The following SGCZ variants were observed in gnomAD, a reference collection of about 807,000 sequenced individuals.
SGCZ encodes the protein sarcoglycan zeta, also known as zeta-sarcoglycan.
SGCZ carries 40 observed loss-of-function variants against 41.3 expected under a neutral mutation model. The ratio of observed to expected loss-of-function variants is 0.97; its 90% CI spans 0.75 to 1.26. The LOEUF (loss-of-function observed/expected upper bound fraction) is 1.26, where lower values mean the gene tolerates loss of function less well. SGCZ is among the 50% of genes most tolerant of loss of function. The probability of loss-of-function intolerance (pLI) is 0.00; values close to 1 mark genes in which losing one functional copy is unlikely to be tolerated. For missense variants in SGCZ, 552 were observed against 369.8 expected (o/e 1.49, Z -4.04); for synonymous variants, 206 against 137.5 (o/e 1.50, Z -3.49).
intron 1 of SGCZ, among the ~76,000 whole-genome samples, chr8:15,053,091 C>T (rs1266463238): frequency 6.6e-6 from 1 of 152,088 alleles, no homozygotes; most frequent in Non-Finnish European, 1.5e-5. Flanking sequence ...TGAGCTCCTA[C>T]CTTGACCTTG....
At chr8:14,858,892 C>T (rs1306375342) in intron 1 of SGCZ, among the ~76,000 whole-genome samples, 1 of 152,006 alleles carries the variant, frequency 6.6e-6, no homozygotes, top group African/African-American at 2.4e-5. Flanking sequence ...TGCAAATTTA[C>T]CAAAATTCTA....
chr8:14,421,037 T>C (rs999542661), intron 2 of SGCZ, among the ~76,000 whole-genome samples: 12 of 152,114 alleles, frequency 7.9e-5, no homozygotes, highest in Non-Finnish European at 1.6e-4. Context: ...GCCCCAAAGA[T>C]AATGAGATGA....
At chr8:14,666,644 C>G (rs1172139938) in intron 1 of SGCZ, among the ~76,000 whole-genome samples, 1 of 146,638 alleles carries the variant, frequency 6.8e-6, no homozygotes. Flanking sequence ...TCTCAGTACC[C>G]TAATAGAGAG....
chr8:15,186,164 AG>A (rs1800333571), intron 1 of SGCZ, among the ~76,000 whole-genome samples: 1 of 149,586 alleles, frequency 6.7e-6, no homozygotes, highest in Non-Finnish European at 1.5e-5. Flanking sequence ...CGGGAGGCTG[AG>A]CCAGGAGAAT....
At chr8:14,597,337 G>A (rs541882857) in intron 1 of SGCZ, among the ~76,000 whole-genome samples, 2 of 152,212 alleles carry the variant, frequency 1.3e-5, no homozygotes, top group Admixed American at 1.3e-4. Context: ...TAGAATGGGA[G>A]AGAAAAAGTA....
intron 1 of SGCZ, among the ~76,000 whole-genome samples, chr8:14,717,996 G>GATATATAT (rs140343071): frequency 0.03 from 4,339 of 144,930 alleles, 111 homozygotes; most frequent in Admixed American, 0.065. Context: ...TCTAAAATAA[G>GATATATAT]ATATATATAT....
At chr8:14,809,068 TG>T (rs1801654630) in intron 1 of SGCZ, among the ~76,000 whole-genome samples, 2 of 137,350 alleles carry the variant, frequency 1.5e-5, no homozygotes, top group African/African-American at 5.8e-5. Flanking sequence ...CATCACACTC[TG>T]GGGACTGTTG....
chr8:14,373,220 C>A (rs985923701), intron 2 of SGCZ, among the ~76,000 whole-genome samples: 9 of 152,010 alleles, frequency 5.9e-5, no homozygotes, highest in Non-Finnish European at 1.3e-4. Flanking sequence ...AGATTTTGAG[C>A]CTTAGCAACT....
intron 1 of SGCZ, among the ~76,000 whole-genome samples, chr8:14,641,529 A>T (rs1158582890): frequency 2.0e-5 from 3 of 151,636 alleles, no homozygotes; most frequent in Non-Finnish European, 4.4e-5. Flanking sequence ...TAGAGTTTCC[A>T]AGCCAGGAGT....
At chr8:14,960,702 C>T (rs915072717) in intron 1 of SGCZ, among the ~76,000 whole-genome samples, 1 of 152,018 alleles carries the variant, frequency 6.6e-6, no homozygotes, top group African/African-American at 2.4e-5. Flanking sequence ...GCCATAAATA[C>T]TGTACCACTT....
chr8:14,183,829 A>G (rs1804813004), intron 4 of SGCZ, among the ~76,000 whole-genome samples: 1 of 152,162 alleles, frequency 6.6e-6, no homozygotes, highest in African/African-American at 2.4e-5. Context: ...GAGGAATAAA[A>G]CTAGAATGGA....
intron 7 of SGCZ, among the ~76,000 whole-genome samples, chr8:14,099,718 T>C (rs1210393195): frequency 6.6e-6 from 1 of 151,652 alleles, no homozygotes; most frequent in South Asian, 2.1e-4. Flanking sequence ...AGAGCGAGAC[T>C]CTGTCTCAAA....
At chr8:14,519,562 T>A (rs9325711) in intron 2 of SGCZ, among the ~76,000 whole-genome samples, 22,959 of 152,088 alleles carry the variant, frequency 0.15, 3,718 homozygotes, top group African/African-American at 0.41. Flanking sequence ...CTGAAAAATC[T>A]TCTACGGTAT....
Position 15,221,525 on chromosome 8 carries a change from C to A in SGCZ, c.39+16060G>T, listed in dbSNP as rs541412814. Among the ~76,000 whole-genome samples, 3 of 152,286 alleles carry A rather than the reference C, an allele frequency of 2.0e-5. No homozygotes were observed. The South Asian group carries it at 6.2e-4, about 32-fold the overall frequency. ...ATTCTAGCAACACTATAAACCAGGT[C>A]TATCCTATCATAGGCTAGTTCAAAA... On this transcript the variant is annotated intron_variant, in intron 1 of 7. Transcript: ENST00000382080.
intron 1 of SGCZ, among the ~76,000 whole-genome samples, chr8:15,070,406 T>C (rs1805307231): frequency 6.6e-6 from 1 of 152,180 alleles, no homozygotes; most frequent in Admixed American, 6.5e-5. Flanking sequence ...ACTGACACTT[T>C]TGGTAGGTAC....
chr8:14,800,331 T>G (rs1801282091), intron 1 of SGCZ, among the ~76,000 whole-genome samples: 1 of 152,110 alleles, frequency 6.6e-6, no homozygotes, highest in Admixed American at 6.6e-5. Context: ...CTGTTGTACC[T>G]CATACTATAG....
intron 2 of SGCZ, among the ~76,000 whole-genome samples, chr8:14,466,467 A>G (rs1426085450): frequency 2.0e-5 from 3 of 151,914 alleles, no homozygotes; most frequent in Non-Finnish European, 2.9e-5. Context: ...TTAGTTTATT[A>G]TACTTGGAGC....
chr8:14,343,644 G>C (rs1201590836), intron 2 of SGCZ, among the ~76,000 whole-genome samples: 2 of 152,120 alleles, frequency 1.3e-5, no homozygotes, highest in Admixed American at 6.5e-5. Flanking sequence ...AAATATTGCA[G>C]TGTTCATTTC....
At chr8:14,829,233 C>A (rs56315816) in intron 1 of SGCZ, among the ~76,000 whole-genome samples, 1 of 151,806 alleles carries the variant, frequency 6.6e-6, no homozygotes, top group African/African-American at 2.4e-5. Flanking sequence ...ATATTGTTGC[C>A]GTCTATATAT....
Sources: allele counts gnomAD v4.1 joint callset (sites outside exome capture counted in the v4.1 genomes callset), GRCh38; gene constraint gnomAD v4.1.1; transcripts MANE v1.5; gene names NCBI Gene and HGNC (gene_info 2026-07-23, HGNC 2026-07-21).